SCAMP4: variants seen among roughly 807,000 people sequenced by gnomAD.
SCAMP4 encodes the protein secretory carrier membrane protein 4, also known as secretory carrier-associated membrane protein 4.
SCAMP4 carries 19 observed loss-of-function variants against 32.1 expected under a neutral mutation model. That is an observed-to-expected ratio of 0.59 (90% confidence interval 0.41 to 0.87). The LOEUF (loss-of-function observed/expected upper bound fraction) is 0.87. Ranked by LOEUF, SCAMP4 falls within the 40% of genes least tolerant of loss-of-function variation. The pLI is 0.00. For synonymous variants in SCAMP4, 152 were observed against 132.7 expected, an observed-to-expected ratio of 1.15 and a Z score of -1.00; for missense variants, 302 against 309.0, an observed-to-expected ratio of 0.98 and a Z score of 0.17.
Position 1,908,395 on chromosome 19 carries a change from G to T in SCAMP4, c.-42+2956G>T, listed in dbSNP as rs753491452. ...TGGTCCCCCATCTGTGGGGCGCCCC[G>T]GCGGCTGAGGCGTGGACCAGGCAGT... is the stretch of plus-strand genomic sequence containing the variant. On this transcript the variant is annotated intron_variant, in intron 1 of 6. Transcript: ENST00000316097. The surrounding 1 kb of genome is among the most constrained non-coding windows in gnomAD (Gnocchi z 4.2). 1 of 420,024 alleles carries T rather than the reference G, an allele frequency of 2.4e-6. No individual in the cohort carries two copies. The highest frequency in any genetic ancestry group is 2.0e-5 in the African/African-American group (1 of 48,884). 26.0% of individuals were successfully genotyped at this position (420,024 alleles called of 1,614,324 possible).
intron 1 of SCAMP4, among the ~76,000 whole-genome samples, chr19:1,909,497 C>T (rs931936150): frequency 1.3e-5 from 2 of 152,130 alleles, no homozygotes. Context: ...CTCCTGTCCT[C>T]ACCTGTGCCA....
chr19:1,921,018 T>C (rs1054217038), intron 5 of SCAMP4: 1 of 985,320 alleles, frequency 1.0e-6, no homozygotes, highest in Non-Finnish European at 1.2e-6. Context: ...AGGTGAACGC[T>C]CTTGAGAAAG....
intron 1 of SCAMP4, chr19:1,914,661 G>T (rs1372970045): frequency 2.3e-6 from 1 of 432,888 alleles, no homozygotes; most frequent in Non-Finnish European, 4.3e-6. Context: ...CCCACCCCTT[G>T]TGGGCTGAAG....
chr19:1,909,353 G>A (rs573522971), intron 1 of SCAMP4, among the ~76,000 whole-genome samples: 3 of 152,306 alleles, frequency 2.0e-5, no homozygotes, highest in Non-Finnish European at 4.4e-5. Context: ...CTGTCTGCCC[G>A]CCTAGGGCAG....
At chr19:1,912,993 C>T (rs764364364) in intron 1 of SCAMP4, 1 of 1,608,784 alleles carries the variant, frequency 6.2e-7, no homozygotes, top group Non-Finnish European at 8.5e-7. Context: ...GGCCCTGGTG[C>T]ACGCACGCAT....
chr19:1,917,548 C>A, intron 2 of SCAMP4, 146 bp from the exon 3 acceptor site: 1 of 823,560 alleles, frequency 1.2e-6, no homozygotes, highest in Non-Finnish European at 1.9e-6. Context: ...CGAGGACCCT[C>A]TCCTGTCTCA....
At chr19:1,919,458 T>A in intron 5 of SCAMP4, 1 of 985,216 alleles carries the variant, frequency 1.0e-6, no homozygotes, top group Non-Finnish European at 1.2e-6. Flanking sequence ...CAGAAGTGTT[T>A]GTGTTGGTGT....
intron 5 of SCAMP4, chr19:1,921,920 C>T (rs777672696): frequency 9.1e-5 from 90 of 985,388 alleles, no homozygotes; most frequent in African/African-American, 1.0e-4. Flanking sequence ...CTTGCAGGGA[C>T]GCGGCGGGGG....
At chr19:1,923,615 C>CTTTTTTTTT (rs35226425) in intron 6 of SCAMP4, among the ~76,000 whole-genome samples, 5 of 86,466 alleles carry the variant, frequency 5.8e-5, no homozygotes, top group Non-Finnish European at 8.1e-5. Flanking sequence ...CAGCAAAATG[C>CTTTTTTTTT]TTTTTTTTTT....
intron 1 of SCAMP4, among the ~76,000 whole-genome samples, chr19:1,909,648 G>A (rs536616731): frequency 5.3e-5 from 8 of 152,296 alleles, no homozygotes; most frequent in East Asian, 1.9e-4. Context: ...ATGTCAGGCC[G>A]GGAGGTTCTC....
chr19:1,908,207 GGCCTCGGGCAGCGGCAGCACCTGGCGCT>G lies in SCAMP4; in HGVS notation c.-42+2774_-42+2801del, dbSNP rs890343469. 3.6e-6 allele frequency: 1 copy of G among 275,070 alleles called. No homozygotes were observed. 17.0% of individuals were successfully genotyped at this position (275,070 alleles called of 1,614,324 possible). The stretch of plus-strand genomic sequence containing the variant: ...CTGCTATGGGCCCCACCTGGCACGG[GGCCTCGGGCAGCGGCAGCACCTGGCGCT>G]GCCTCCGCGCTTCCTGCTCCCGGCT... On this transcript the variant is annotated intron_variant, in intron 1 of 6. Transcript: ENST00000316097. This position sits in a 1 kb window ranked among gnomAD's most constrained non-coding sequence, Gnocchi z 4.2.
intron 5 of SCAMP4, chr19:1,920,459 C>T (rs1195930657): frequency 1.6e-6 from 1 of 639,714 alleles, no homozygotes; most frequent in African/African-American, 2.0e-5. Context: ...GCGCCTGGCG[C>T]CAGGCCCTCC....
At chr19:1,913,497 G>A (rs369190087) in intron 1 of SCAMP4, 41 of 382,594 alleles carry the variant, frequency 1.1e-4, no homozygotes, top group African/African-American at 8.4e-4. Flanking sequence ...GTCCCGAGTG[G>A]GGTGGGGTCT....
intron 1 of SCAMP4, chr19:1,912,396 T>C (rs749836878): frequency 1.3e-6 from 2 of 1,517,014 alleles, no homozygotes; most frequent in South Asian, 2.5e-5. Context: ...TGGGCCGGCC[T>C]CGGGCCCGCG....
chr19:1,918,320 G>C (rs778141482), intron 4 of SCAMP4, 37 bp downstream of exon 4: 1 of 1,546,304 alleles, frequency 6.5e-7, no homozygotes, highest in Non-Finnish European at 8.7e-7. Flanking sequence ...GCACCCAGAG[G>C]GAACCAGGGC....
At chr19:1,910,988 G>A (rs1471510545) in intron 1 of SCAMP4, among the ~76,000 whole-genome samples, 2 of 151,972 alleles carry the variant, frequency 1.3e-5, no homozygotes, top group Non-Finnish European at 2.9e-5. Flanking sequence ...TCTCCTGCAA[G>A]CCTCAGCCTC....
chr19:1,912,042 C>T (rs913815353), intron 1 of SCAMP4: 162 of 1,416,502 alleles, frequency 1.1e-4, no homozygotes, highest in Non-Finnish European at 1.4e-4. Flanking sequence ...CGCCCGCAGC[C>T]GCCGGATGAT....
chr19:1,917,952 C>G, intron 3 of SCAMP4, 130 bp downstream of exon 3: 1 of 1,380,642 alleles, frequency 7.2e-7, no homozygotes, highest in African/African-American at 1.4e-5. Context: ...CTGGTGGTCC[C>G]TGCGGTGAAC....
rs755926017 is a variant in SCAMP4 at position 1,924,217 on chromosome 19, T to A, written c.623T>A (p.Phe208Tyr). 3.7e-6 allele frequency: 6 copies of A among 1,608,568 alleles called. No homozygotes were observed. The highest frequency in any genetic ancestry group is 1.7e-5 in the Admixed American group (1 of 59,298). Reference sequence around the variant, plus strand: ...TCGAGGGAGGCCCAGTACAACAACTTCTCAGGCAACAGCCTGCCCGAGTAC... The same window carrying A: ...TCGAGGGAGGCCCAGTACAACAACTACTCAGGCAACAGCCTGCCCGAGTAC... ...PPSREAQYNN[F>Y]SGNSLPEYPT... The change falls in exon 7 of 7, where the codon TTC (phenylalanine) becomes TAC (tyrosine). Residue 208 changes from phenylalanine to tyrosine, a missense_variant. Phe to Tyr is a conservative substitution (Grantham distance 22). Coordinates refer to ENST00000316097, the MANE Select transcript of SCAMP4 (RefSeq NM_079834.4).
Sources: allele counts gnomAD v4.1 joint callset (sites outside exome capture counted in the v4.1 genomes callset), GRCh38; gene constraint gnomAD v4.1.1; non-coding constraint Gnocchi (gnomAD v3.1); transcripts MANE v1.5; gene names NCBI Gene and HGNC (gene_info 2026-07-23, HGNC 2026-07-21).